Variants in SLC2A7 observed in about 807,000 individuals in gnomAD.
SLC2A7 encodes solute carrier family 2 member 7.
A neutral mutation model predicts 50.5 loss-of-function variants in SLC2A7; 50 were observed. The observed-to-expected ratio is 0.99, with a 90% confidence interval of 0.79 to 1.25. The LOEUF (loss-of-function observed/expected upper bound fraction) is 1.25. SLC2A7 is among the 50% of genes most tolerant of loss of function. SLC2A7 has a pLI of 0.00. For missense variants in SLC2A7, 683 were observed against 679.1 expected (o/e 1.01, Z -0.06); for synonymous variants, 308 against 300.4 (o/e 1.03, Z -0.26).
chr1:9,004,985 C>T (rs1640634199), intron 10 of SLC2A7, 106 bp from the exon 11 acceptor site: 1 of 1,322,418 alleles, frequency 7.6e-7, no homozygotes, highest in Non-Finnish European at 1.0e-6. Context: ...CTCAAGAGTA[C>T]CAGCTGGGAT....
At chr1:9,007,486 C>T in intron 9 of SLC2A7, 101 bp from the exon 10 acceptor site, 1 of 1,101,154 alleles carries the variant, frequency 9.1e-7, no homozygotes, top group Non-Finnish European at 1.3e-6. Context: ...AGGAGCTGCA[C>T]CTAGATGTCT....
chr1:9,025,478 T>C (rs1453272625), intron 1 of SLC2A7, among the ~76,000 whole-genome samples: 2 of 151,920 alleles, frequency 1.3e-5, no homozygotes, highest in African/African-American at 4.8e-5. Context: ...GACAATAAAA[T>C]AGGGTGATGG....
At chr1:8,994,412 G>C in the SLC2A7 span, among the ~76,000 whole-genome samples, 3 of 152,230 alleles carry the variant, frequency 2.0e-5, no homozygotes, top group Non-Finnish European at 4.4e-5. Flanking sequence ...GTGGCCGGCA[G>C]CGTGACTCAG....
downstream of SLC2A7, among the ~76,000 whole-genome samples, chr1:8,998,911 G>A (rs955229095): frequency 6.6e-6 from 1 of 152,148 alleles, no homozygotes; most frequent in Non-Finnish European, 1.5e-5. Context: ...TTCTTGTCAT[G>A]TCTTCAGTGC....
intron 3 of SLC2A7, among the ~76,000 whole-genome samples, chr1:9,020,355 C>T (rs1017994194): frequency 6.6e-6 from 1 of 152,178 alleles, no homozygotes; most frequent in African/African-American, 2.4e-5. Context: ...GGAATTCTTA[C>T]AATCAGTGGG....
At chr1:9,017,474 G>T (rs773671343) in intron 5 of SLC2A7, among the ~76,000 whole-genome samples, 1 of 152,202 alleles carries the variant, frequency 6.6e-6, no homozygotes, top group Non-Finnish European at 1.5e-5. Flanking sequence ...GGCCAAGAAG[G>T]ACCTACACAG....
chr1:9,014,908 C>T (rs1463077020), intron 6 of SLC2A7, 40 bp from the exon 7 acceptor site: 1 of 1,541,690 alleles, frequency 6.5e-7, no homozygotes, highest in South Asian at 1.2e-5. Flanking sequence ...GGCCGTCTCC[C>T]TGCAGGCTGG....
At chr1:8,995,543 G>A in the SLC2A7 span, among the ~76,000 whole-genome samples, 1 of 150,638 alleles carries the variant, frequency 6.6e-6, no homozygotes, top group East Asian at 2.0e-4. Context: ...TCAGGAGTTC[G>A]AGACCAGCCT....
Position 9,019,873 on chromosome 1 carries a change from G to A in SLC2A7, c.312-540C>T, listed in dbSNP as rs374031907. Among the ~76,000 whole-genome samples the A allele has an allele frequency of 3.3e-4, 50 of 152,092 alleles. 1 individual carries two copies. Among genetic ancestry groups the A allele is most frequent in the African/African-American group, 1.2e-3 (48 of 41,514 alleles). On this transcript the variant is annotated intron_variant, in intron 3 of 11. Coordinates refer to ENST00000400906, the MANE Select transcript of SLC2A7 (RefSeq NM_207420.3). ...CGGGAGGCAGAGGTTGCAGTGAGCC[G>A]AGATCGTGCCACTGCACTCCATCCA...
the SLC2A7 span, among the ~76,000 whole-genome samples, chr1:8,996,347 G>A: frequency 6.6e-6 from 1 of 152,228 alleles, no homozygotes; most frequent in Non-Finnish European, 1.5e-5. Flanking sequence ...TGCAGAGCGT[G>A]TCAATAGTTC....
Position 9,004,800 on chromosome 1 carries a change from C to T in SLC2A7, c.1272G>A (p.Val424=), listed in dbSNP as rs781429864. The T allele has an allele frequency of 6.2e-7, 1 of 1,614,172 alleles. No individual in the cohort carries two copies. Among genetic ancestry groups the T allele is most frequent in the Admixed American group, 1.7e-5 (1 of 60,018 alleles). The part of the protein sequence containing the change: ...RRAAFMVDGA[V]HWLTNFIIGF... The stretch of plus-strand genomic sequence containing the variant: ...CTATGATGAAGTTGGTGAGCCAGTG[C>T]ACTGCCCCGTCCACCATGAAAGCTG... Residue 424 remains valine, a synonymous_variant, in exon 11 of 12, where the codon GTG becomes GTA. Coordinates refer to ENST00000400906, the MANE Select transcript of SLC2A7 (RefSeq NM_207420.3).
At chr1:9,019,079 G>T in intron 4 of SLC2A7, 130 bp downstream of exon 4, 1 of 1,224,014 alleles carries the variant, frequency 8.2e-7, no homozygotes, top group Non-Finnish European at 1.1e-6. Flanking sequence ...AGGGCCTGGG[G>T]ATGCAGATGG....
chr1:9,013,481 G>A (rs1250791835), intron 8 of SLC2A7, 44 bp downstream of exon 8: 2 of 1,568,978 alleles, frequency 1.3e-6, no homozygotes, highest in Non-Finnish European at 1.7e-6. Flanking sequence ...GGCGGCACCT[G>A]GCCAGAGACC....
At position 9,007,375 on chromosome 1, in the gene SLC2A7, G is replaced by A. The variant is rs374675660; in HGVS notation, c.1127C>T (p.Pro376Leu). 3.1e-6 allele frequency: 5 copies of A among 1,614,026 alleles called. No homozygotes were observed. The highest frequency in any genetic ancestry group is 1.6e-4 in the Middle Eastern group (1 of 6,080). The change falls in exon 10 of 12, where the codon CCC (proline) becomes CTC (leucine). Residue 376 changes from proline to leucine, a missense_variant. Physicochemically the swap from Pro to Leu is moderately conservative, Grantham distance 98 (BLOSUM62 -3). Coordinates refer to ENST00000400906, the MANE Select transcript of SLC2A7 (RefSeq NM_207420.3). ...TVVLLFQNRV[P>L]ELSYLGIICV... ...GATGATGCCGAGGTAGGACAGCTCG[G>A]GGACCCTGTTCTGTGGGGAGAGGCA... is the stretch of plus-strand genomic sequence containing the variant.
the SLC2A7 span, among the ~76,000 whole-genome samples, chr1:8,996,565 G>C: frequency 6.6e-6 from 1 of 152,202 alleles, no homozygotes; most frequent in Non-Finnish European, 1.5e-5. Context: ...GTGTCATGTG[G>C]TAGATGTACA....
downstream of SLC2A7, among the ~76,000 whole-genome samples, chr1:9,001,128 G>T (rs922783610): frequency 2.0e-5 from 3 of 152,172 alleles, no homozygotes; most frequent in Non-Finnish European, 2.9e-5. Flanking sequence ...GGAAAAAGAT[G>T]CACGGTGATT....
intron 11 of SLC2A7, among the ~76,000 whole-genome samples, chr1:9,003,854 T>C (rs918262729): frequency 6.6e-6 from 1 of 151,600 alleles, no homozygotes; most frequent in African/African-American, 2.4e-5. Context: ...CGTGACTGTC[T>C]CAAAAAAACA....
intron 4 of SLC2A7, among the ~76,000 whole-genome samples, chr1:9,018,845 A>G (rs1640869944): frequency 7.8e-6 from 1 of 128,660 alleles, no homozygotes; most frequent in South Asian, 2.3e-4. Context: ...CTTCAAGGTG[A>G]AAGTGTTTCT....
intron 3 of SLC2A7, among the ~76,000 whole-genome samples, chr1:9,021,455 G>C (rs909813550): frequency 2.0e-5 from 3 of 152,142 alleles, no homozygotes; most frequent in Non-Finnish European, 4.4e-5. Context: ...CATCTTTGAG[G>C]ACCGCTGGGA....
Sources: gnomAD v4.1 joint callset for allele counts (sites outside exome capture counted in the v4.1 genomes callset) on GRCh38, gnomAD v4.1.1 for gene constraint, MANE v1.5 for transcripts, NCBI Gene and HGNC (gene_info 2026-07-23, HGNC 2026-07-21) for gene names.